Variants in INSC observed in about 807,000 individuals in gnomAD.
INSC encodes the protein INSC spindle orientation adaptor protein, also known as protein inscuteable homolog.
A neutral mutation model predicts 58.6 loss-of-function variants in INSC; 67 were observed. The observed-to-expected ratio is 1.14, with a 90% CI of 0.94 to 1.40. The LOEUF is 1.40. Ranked by LOEUF, INSC falls within the 40% of genes most tolerant of loss-of-function variation. INSC has a pLI of 0.00. For missense variants in INSC, 714 were observed against 692.0 expected (o/e 1.03, Z -0.36); for synonymous variants, 262 against 276.1 (o/e 0.95, Z 0.51).
intron 2 of INSC, among the ~76,000 whole-genome samples, chr11:15,152,024 G>A (rs1848669524): frequency 6.6e-6 from 1 of 152,142 alleles, no homozygotes; most frequent in African/African-American, 2.4e-5. Context: ...GTTATGGGAT[G>A]GATACTCCAC....
intron 1 of INSC, among the ~76,000 whole-genome samples, chr11:15,131,973 G>A (rs899986891): frequency 2.0e-4 from 31 of 152,024 alleles, no homozygotes; most frequent in Admixed American, 1.9e-3. Flanking sequence ...ATTACACATT[G>A]ATATTCCCTT....
chr11:15,125,848 A>T (rs1285394594), intron 1 of INSC, among the ~76,000 whole-genome samples: 1 of 152,084 alleles, frequency 6.6e-6, no homozygotes, highest in Admixed American at 6.5e-5. Flanking sequence ...TGGTGTCAAC[A>T]CTTCAGTGTT....
intron 11 of INSC, among the ~76,000 whole-genome samples, chr11:15,239,671 G>C (rs919039647): frequency 5.3e-5 from 8 of 152,166 alleles, no homozygotes; most frequent in African/African-American, 1.9e-4. Context: ...GATAAAAAAA[G>C]AGATATTCTC....
chr11:15,117,085 A>G (rs1410502362), intron 1 of INSC, among the ~76,000 whole-genome samples: 5 of 149,380 alleles, frequency 3.3e-5, no homozygotes, highest in African/African-American at 1.2e-4. Context: ...GGGATTATAG[A>G]CCCCCACCAC....
intron 7 of INSC, among the ~76,000 whole-genome samples, chr11:15,210,592 A>G (rs376429152): frequency 6.7e-6 from 1 of 149,210 alleles, no homozygotes; most frequent in African/African-American, 2.5e-5. Context: ...GTTGTTGTGT[A>G]TCTCCTAGCT....
At chr11:15,151,288 T>C (rs1160335684) in intron 2 of INSC, among the ~76,000 whole-genome samples, 1 of 152,144 alleles carries the variant, frequency 6.6e-6, no homozygotes, top group Non-Finnish European at 1.5e-5. Flanking sequence ...TATGGGAATG[T>C]AATACCCACC....
chr11:15,213,813 T>G (rs754323281), intron 7 of INSC, among the ~76,000 whole-genome samples: 4 of 152,222 alleles, frequency 2.6e-5, no homozygotes, highest in Non-Finnish European at 5.9e-5. Context: ...CTAAAGATTC[T>G]TGTTTGACGT....
chr11:15,153,730 A>G (rs1848722775), intron 2 of INSC, among the ~76,000 whole-genome samples: 1 of 151,970 alleles, frequency 6.6e-6, no homozygotes. Flanking sequence ...CAGTGCTGGG[A>G]ACCGAGTTCA....
At chr11:15,206,634 G>A (rs1850810489) in intron 7 of INSC, among the ~76,000 whole-genome samples, 2 of 152,152 alleles carry the variant, frequency 1.3e-5, no homozygotes, top group African/African-American at 4.8e-5. Context: ...GGCCTTCCTG[G>A]AGGACTGGAG....
At chr11:15,205,745 C>T (rs1339809182) in intron 7 of INSC, among the ~76,000 whole-genome samples, 1 of 152,110 alleles carries the variant, frequency 6.6e-6, no homozygotes, top group Admixed American at 6.6e-5. Flanking sequence ...ACAGTGTTTC[C>T]TCAGTCATGA....
At chr11:15,141,633 G>C (rs1442633013) in intron 1 of INSC, among the ~76,000 whole-genome samples, 7 of 152,118 alleles carry the variant, frequency 4.6e-5, no homozygotes, top group Admixed American at 4.6e-4. Context: ...CCTCCCCTGG[G>C]AACGAGGGGT....
chr11:15,119,526 G>A (rs2133682159), intron 1 of INSC, among the ~76,000 whole-genome samples: 1 of 152,336 alleles, frequency 6.6e-6, no homozygotes, highest in African/African-American at 2.4e-5. Context: ...TGCAGTGTCT[G>A]TAGGCGTCAG....
chr11:15,196,528 G>C (rs977498149), intron 6 of INSC, among the ~76,000 whole-genome samples: 1 of 152,066 alleles, frequency 6.6e-6, no homozygotes, highest in Non-Finnish European at 1.5e-5. Flanking sequence ...CTCTTTTTCT[G>C]CTCCTGGTCC....
At chr11:15,152,849 A>G (rs1848696943) in intron 2 of INSC, among the ~76,000 whole-genome samples, 1 of 152,156 alleles carries the variant, frequency 6.6e-6, no homozygotes, top group Non-Finnish European at 1.5e-5. Flanking sequence ...CACAATGTCT[A>G]TCTCATGAGA....
At chr11:15,249,228 G>T (rs942541507), downstream of INSC, among the ~76,000 whole-genome samples, 1 of 152,182 alleles carries the variant, frequency 6.6e-6, no homozygotes, top group Non-Finnish European at 1.5e-5. Flanking sequence ...ATCTGGGTAA[G>T]GTTAGGATGG....
chr11:15,226,144 AG>A (rs968598034), intron 9 of INSC, among the ~76,000 whole-genome samples: 2 of 151,908 alleles, frequency 1.3e-5, no homozygotes, highest in Non-Finnish European at 2.9e-5. Context: ...CAACCACTGT[AG>A]GGCCTTCCTC....
chr11:15,218,497 G>A (rs543783223), intron 7 of INSC, among the ~76,000 whole-genome samples: 32 of 151,954 alleles, frequency 2.1e-4, no homozygotes, highest in African/African-American at 7.5e-4. Context: ...TGGATATTAG[G>A]CATATACATC....
At chr11:15,127,958 G>T (rs536079223) in intron 1 of INSC, among the ~76,000 whole-genome samples, 4 of 152,086 alleles carry the variant, frequency 2.6e-5, no homozygotes, top group African/African-American at 9.6e-5. Flanking sequence ...TCGTGCCGTT[G>T]CACTCCAGCC....
the INSC span, among the ~76,000 whole-genome samples, chr11:15,253,524 A>C: frequency 0.027 from 4,084 of 152,202 alleles, 133 homozygotes; most frequent in East Asian, 0.1. Context: ...CATAGTGTGG[A>C]AAGATGGTGT....
Sources: allele counts gnomAD v4.1 joint callset (sites outside exome capture counted in the v4.1 genomes callset), GRCh38; gene constraint gnomAD v4.1.1; transcripts MANE v1.5; gene names NCBI Gene and HGNC (gene_info 2026-07-23, HGNC 2026-07-21).